HDAC9: variants seen among roughly 807,000 people sequenced by gnomAD.
HDAC9 encodes MEF-2 interacting transcription repressor (MITR) protein.
In HDAC9, 41 loss-of-function variants were observed where a neutral mutation model predicts 139.4. That is an observed-to-expected ratio of 0.29 (90% CI 0.23 to 0.38). The LOEUF (loss-of-function observed/expected upper bound fraction) is 0.38. Among genes scored for constraint, HDAC9 ranks in the 10% least tolerant of loss-of-function variants. The pLI is 1.00. For synonymous variants in HDAC9, 517 were observed against 476.2 expected, an observed-to-expected ratio of 1.09 and a Z score of -1.12; for missense variants, 1,147 against 1,297.0, an observed-to-expected ratio of 0.88 and a Z score of 1.78.
chr7:18,375,482 C>CG (rs1554396849), intron 1 of HDAC9, among the ~76,000 whole-genome samples: 2 of 148,834 alleles, frequency 1.3e-5, no homozygotes, highest in East Asian at 1.9e-4. Context: ...ACAACAACAA[C>CG]AACAAAAAAA....
At chr7:18,577,609 G>A (rs2128764213) in intron 2 of HDAC9, among the ~76,000 whole-genome samples, 1 of 152,178 alleles carries the variant, frequency 6.6e-6, no homozygotes, top group Non-Finnish European at 1.5e-5. Flanking sequence ...TGTGAGCTTT[G>A]GCAAGCAGGG....
At chr7:18,850,474 A>T (rs578056732) in intron 21 of HDAC9, among the ~76,000 whole-genome samples, 1 of 152,322 alleles carries the variant, frequency 6.6e-6, no homozygotes, top group South Asian at 2.1e-4. Context: ...GTGGACCATT[A>T]GTAGATTTTT....
intron 14 of HDAC9, among the ~76,000 whole-genome samples, chr7:18,757,586 A>G (rs1420893704): frequency 6.6e-6 from 1 of 152,138 alleles, no homozygotes; most frequent in African/African-American, 2.4e-5. Context: ...ATTATATTTT[A>G]CAAAAGGTTC....
chr7:18,877,378 G>C (rs1008868155), intron 22 of HDAC9, among the ~76,000 whole-genome samples: 5 of 152,144 alleles, frequency 3.3e-5, no homozygotes, highest in Non-Finnish European at 7.4e-5. Context: ...TGTTCAGGAA[G>C]TCATCCTTTA....
Position 18,811,876 on chromosome 7 carries a change from A to AAG in HDAC9, c.2323-17275_2323-17274dup, listed in dbSNP as rs1375161285. 7.9e-5 allele frequency among the ~76,000 whole-genome samples: 12 copies of AAG among 151,300 alleles called. No homozygotes were observed. In the South Asian group the frequency reaches 2.5e-3, roughly 32 times the overall value. On this transcript the variant is annotated intron_variant, in intron 17 of 25. Coordinates refer to ENST00000686413, the MANE Select transcript of HDAC9 (RefSeq NM_178425.4). ...AGGGAGAGGGAGAGGGAGAGAGAGA[A>AAG]AGAGAGAGAGACAAAATATGTACAT...
intron 12 of HDAC9, among the ~76,000 whole-genome samples, chr7:18,682,107 A>T (rs904342128): frequency 6.6e-5 from 10 of 152,232 alleles, no homozygotes; most frequent in Admixed American, 2.0e-4. Context: ...TTCTCAGAAC[A>T]TAATTTACAT....
intron 1 of HDAC9, among the ~76,000 whole-genome samples, chr7:18,128,261 A>G (rs906698022): frequency 3.9e-5 from 6 of 152,036 alleles, no homozygotes; most frequent in Non-Finnish European, 5.9e-5. Context: ...TACCTTAAGG[A>G]CTTTAACTGG....
chr7:18,642,087 A>G (rs1436802563), intron 8 of HDAC9, among the ~76,000 whole-genome samples: 4 of 152,092 alleles, frequency 2.6e-5, no homozygotes, highest in Non-Finnish European at 5.9e-5. Context: ...AAGCTAAGCA[A>G]TGTCCCGGTC....
At chr7:18,232,421 A>T (rs1310488799) in intron 2 of HDAC9, among the ~76,000 whole-genome samples, 2 of 152,140 alleles carry the variant, frequency 1.3e-5, no homozygotes, top group Non-Finnish European at 2.9e-5. Context: ...ACATCTTAGG[A>T]AAATTATAAA....
chr7:18,999,409 T>G lies in HDAC9; in HGVS notation c.*3347T>G, dbSNP rs1786640071. The G allele has an allele frequency of 6.6e-6, 1 of 152,224 alleles. No homozygotes were observed. Among genetic ancestry groups the G allele is most frequent in the Non-Finnish European group, 1.5e-5 (1 of 68,046 alleles). The allele number at this position is 152,224 out of a possible 1,614,324, so 9.4% of individuals were successfully genotyped here. A position where few individuals can be genotyped will look rare whatever the true frequency, so the allele number is the denominator to read the frequency against. ...TCCATATGGAAGTAAAATAGAATGA[T>G]CATTTGGAAAGTCTCCTGGGAAAAA... On this transcript the variant is annotated 3_prime_UTR_variant, in exon 26 of 26. Transcript: ENST00000686413.
chr7:18,451,718 G>A (rs1653944810), intron 1 of HDAC9, among the ~76,000 whole-genome samples: 1 of 151,862 alleles, frequency 6.6e-6, no homozygotes, highest in Non-Finnish European at 1.5e-5. Context: ...TGGGTGGGGG[G>A]AAACATTTGC....
intron 2 of HDAC9, among the ~76,000 whole-genome samples, chr7:18,520,769 A>C (rs1178256538): frequency 6.6e-6 from 1 of 152,222 alleles, no homozygotes; most frequent in Non-Finnish European, 1.5e-5. Flanking sequence ...CCTTGGTCTG[A>C]CACCAAGCAA....
intron 1 of HDAC9, among the ~76,000 whole-genome samples, chr7:18,442,561 T>TCTTA (rs1791889163): frequency 1.3e-5 from 2 of 152,216 alleles, no homozygotes; most frequent in Admixed American, 6.5e-5. Context: ...CAGTCGGATA[T>TCTTA]CTTAGCCTGC....
At position 18,424,395 on chromosome 7, in the gene HDAC9, G is replaced by T. The variant is rs545151934; in HGVS notation, c.-41-71867G>T. ...ATAATTATACCTACTTCATCAGGAT[G>T]CTATGAAGATGAAATAAAATAATTA... On this transcript the variant is annotated intron_variant, in intron 1 of 3. Transcript: ENST00000413509. Among the ~76,000 whole-genome samples the T allele has an allele frequency of 3.3e-5, 5 of 152,306 alleles. No individual in the cohort carries two copies. In the East Asian group the frequency reaches 9.6e-4, roughly 29 times the overall value.
At chr7:18,920,826 G>T (rs1803642074) in intron 22 of HDAC9, among the ~76,000 whole-genome samples, 1 of 152,070 alleles carries the variant, frequency 6.6e-6, no homozygotes, top group African/African-American at 2.4e-5. Flanking sequence ...AACCAGCCTT[G>T]TATACCAGGG....
At chr7:18,555,410 T>C (rs1818491085) in intron 2 of HDAC9, among the ~76,000 whole-genome samples, 1 of 152,184 alleles carries the variant, frequency 6.6e-6, no homozygotes, top group South Asian at 2.1e-4. Flanking sequence ...GACAATCCAA[T>C]TCTAATGGAT....
intron 2 of HDAC9, among the ~76,000 whole-genome samples, chr7:18,235,110 C>T (rs1416368202): frequency 1.3e-5 from 2 of 151,908 alleles, no homozygotes; most frequent in Non-Finnish European, 2.9e-5. Flanking sequence ...GATTGTTATC[C>T]CATTTGATGT....
At chr7:18,224,257 G>A (rs981251763) in intron 2 of HDAC9, among the ~76,000 whole-genome samples, 3 of 152,172 alleles carry the variant, frequency 2.0e-5, no homozygotes, top group Admixed American at 6.5e-5. Context: ...CAGTGTTAGA[G>A]AGTGAGGAAT....
At chr7:18,766,716 A>G (rs1349669877) in intron 15 of HDAC9, among the ~76,000 whole-genome samples, 6 of 152,164 alleles carry the variant, frequency 3.9e-5, no homozygotes, top group African/African-American at 1.4e-4. Context: ...TGTAGCTCAA[A>G]ACATCCCATT....
Sources: gnomAD v4.1 joint callset for allele counts (sites outside exome capture counted in the v4.1 genomes callset) on GRCh38, gnomAD v4.1.1 for gene constraint, MANE v1.5 for transcripts, NCBI Gene and HGNC (gene_info 2026-07-23, HGNC 2026-07-21) for gene names.